GRM5: variants seen among roughly 807,000 people sequenced by gnomAD.
GRM5 encodes the protein glutamate metabotropic receptor 5.
In GRM5, 19 loss-of-function variants were observed where a neutral mutation model predicts 83.1. The ratio of observed to expected loss-of-function variants is 0.23; its 90% CI spans 0.16 to 0.34. The LOEUF (loss-of-function observed/expected upper bound fraction) is 0.34. Among genes scored for constraint, GRM5 ranks in the 10% least tolerant of loss-of-function variants. The probability of loss-of-function intolerance (pLI) is 1.00; values close to 1 mark genes in which losing one functional copy is unlikely to be tolerated. For synonymous variants in GRM5, 675 were observed against 633.6 expected (o/e 1.07, Z -0.98); for missense variants, 1,160 against 1,588.3 (o/e 0.73, Z 4.58).
intron 3 of GRM5, among the ~76,000 whole-genome samples, chr11:88,791,550 A>G (rs879655386): frequency 2.0e-5 from 3 of 152,124 alleles, no homozygotes; most frequent in Non-Finnish European, 4.4e-5. Flanking sequence ...GATGCAATAA[A>G]TGGAAATTTC....
intron 3 of GRM5, among the ~76,000 whole-genome samples, chr11:88,805,278 G>A (rs1335240219): frequency 5.3e-5 from 8 of 152,114 alleles, no homozygotes; most frequent in Middle Eastern, 3.4e-3. Context: ...TGCAACCTCC[G>A]CCTCCCGGAT....
chr11:88,586,107 T>TACACACAC (rs140549003), intron 7 of GRM5, among the ~76,000 whole-genome samples: 24 of 150,572 alleles, frequency 1.6e-4, no homozygotes, highest in African/African-American at 5.6e-4. Context: ...CATACATGTT[T>TACACACAC]ACACACACAC....
intron 3 of GRM5, among the ~76,000 whole-genome samples, chr11:88,802,591 A>C (rs1446519878): frequency 6.6e-6 from 1 of 152,180 alleles, no homozygotes; most frequent in Non-Finnish European, 1.5e-5. Context: ...CTGAATGGGC[A>C]AAAATTGGAA....
In GRM5 at chr11:89,047,498, G is replaced by GCCT. The variant is rs1941666749; in HGVS notation, c.372_374dup (p.Gly125dup). 6.2e-7 allele frequency: 1 copy of GCCT among 1,614,024 alleles called. No homozygotes were observed. The highest frequency in any genetic ancestry group is 8.5e-7 in the Non-Finnish European group (1 of 1,180,022). On this transcript the variant is annotated inframe_insertion, in exon 2 of 10. Coordinates refer to ENST00000305447, the MANE Select transcript of GRM5 (RefSeq NM_001143831.3). The surrounding 1 kb of genome is among the most constrained non-coding windows in gnomAD (Gnocchi z 5.1). ...AGGAGCCATCCACACAGCGTACCAA[G>GCCT]CCTTCTTCCTCTTCTGAAGAAATGA...
At chr11:88,704,111 G>GTCTCTT (rs1218586605) in intron 3 of GRM5, among the ~76,000 whole-genome samples, 1 of 151,936 alleles carries the variant, frequency 6.6e-6, no homozygotes, top group African/African-American at 2.4e-5. Context: ...GAGATGTCTT[G>GTCTCTT]TCTCTTTCTC....
chr11:88,850,276 G>A lies in GRM5; in HGVS notation c.662-121C>T, dbSNP rs546140441. 5.4e-3 allele frequency: 4,330 copies of A among 801,804 alleles called. 36 individuals carry two copies. Among genetic ancestry groups the A allele is most frequent in the Non-Finnish European group, 6.7e-3 (3,347 of 501,138 alleles). The allele number at this position is 801,804 out of a possible 1,614,324, so 49.7% of individuals were successfully genotyped here. ...ATTGGTATGGGACTTGCAACCTGAA[G>A]ACCTGAATTTTGGTTTTTGCTCTTT... On this transcript the variant is annotated intron_variant, in intron 2 of 9. Coordinates refer to ENST00000305447, the MANE Select transcript of GRM5 (RefSeq NM_001143831.3).
At chr11:88,991,196 A>G (rs1939955037) in intron 2 of GRM5, among the ~76,000 whole-genome samples, 1 of 152,138 alleles carries the variant, frequency 6.6e-6, no homozygotes, top group Admixed American at 6.5e-5. Flanking sequence ...TACAAAAATC[A>G]CAAGCATTCT....
intron 1 of GRM5, among the ~76,000 whole-genome samples, chr11:89,059,753 T>G (rs551028416): frequency 6.6e-6 from 1 of 152,194 alleles, no homozygotes; most frequent in African/African-American, 2.4e-5. Flanking sequence ...ATGGGTCAGA[T>G]ACTTTATTTT....
At chr11:88,958,048 C>T (rs1428460173) in intron 2 of GRM5, among the ~76,000 whole-genome samples, 6 of 151,710 alleles carry the variant, frequency 4.0e-5, no homozygotes, top group African/African-American at 1.5e-4. Flanking sequence ...TTTTTCAACA[C>T]CTAAAATTAT....
intron 3 of GRM5, among the ~76,000 whole-genome samples, chr11:88,715,050 G>A (rs1367255328): frequency 2.0e-5 from 3 of 151,920 alleles, no homozygotes; most frequent in Non-Finnish European, 4.4e-5. Context: ...TTTATTGAAC[G>A]ACTGCAAATA....
chr11:88,915,137 A>T (rs542297285), intron 2 of GRM5, among the ~76,000 whole-genome samples: 2 of 150,602 alleles, frequency 1.3e-5, no homozygotes, highest in Admixed American at 6.6e-5. Context: ...TTTGTAGAAT[A>T]AAAAAAAATC....
intron 2 of GRM5, among the ~76,000 whole-genome samples, chr11:88,998,842 G>A (rs1239828954): frequency 6.6e-6 from 1 of 152,066 alleles, no homozygotes; most frequent in East Asian, 1.9e-4. Flanking sequence ...CTAAAAAATG[G>A]TGTATAAATC....
At chr11:88,594,906 T>C (rs1487398627) in intron 6 of GRM5, among the ~76,000 whole-genome samples, 1 of 152,208 alleles carries the variant, frequency 6.6e-6, no homozygotes, top group Admixed American at 6.5e-5. Flanking sequence ...ATAAATTATT[T>C]TGATATCATT....
intron 4 of GRM5, among the ~76,000 whole-genome samples, chr11:88,646,532 A>C (rs1939454747): frequency 6.6e-6 from 1 of 151,994 alleles, no homozygotes; most frequent in Non-Finnish European, 1.5e-5. Flanking sequence ...CACTTTAGAC[A>C]TTGTAAGTGA....
In GRM5 at chr11:88,919,251, TATATATC is replaced by T. The variant is rs1565291790; in HGVS notation, c.662-69103_662-69097del. Among the ~76,000 whole-genome samples, 13 of 88,362 alleles carry T rather than the reference TATATATC, an allele frequency of 1.5e-4. 4 individuals carry two copies. The highest frequency in any genetic ancestry group is 2.9e-4 in the East Asian group (1 of 3,436). The allele number at this position is 88,362 out of a possible 152,430, so 58.0% of individuals were successfully genotyped here. Reference sequence around the variant, plus strand: ...CAGCAGGAGTAGCTATATATATATATATATATCGGATAAAATAGATTTTAAGACAATA... The same window carrying T: ...CAGCAGGAGTAGCTATATATATATATGGATAAAATAGATTTTAAGACAATA... On this transcript the variant is annotated intron_variant, in intron 2 of 9. Transcript: ENST00000305447.
At position 88,845,482 on chromosome 11, in the gene GRM5, G is replaced by T. The variant is rs567670098; in HGVS notation, c.911+4424C>A. ...AGAGTCTCGCTCTGTCGCCCAGGCT[G>T]CAGGACAGTGGCGCAATCTGAGTTC... On this transcript the variant is annotated intron_variant, in intron 3 of 9. Transcript: ENST00000305447. 2.4e-5 allele frequency among the ~76,000 whole-genome samples: 3 copies of T among 126,626 alleles called. No homozygotes were observed. In the South Asian group the frequency reaches 8.4e-4, roughly 35 times the overall value. 83.1% of individuals were successfully genotyped at this position (126,626 alleles called of 152,430 possible).
chr11:88,811,673 T>A (rs972781819), intron 3 of GRM5, among the ~76,000 whole-genome samples: 1 of 152,148 alleles, frequency 6.6e-6, no homozygotes, highest in Middle Eastern at 3.2e-3. Context: ...ACAAACTATA[T>A]GTATGACAAG....
intron 6 of GRM5, among the ~76,000 whole-genome samples, chr11:88,593,790 CTCTTTT>C: frequency 4.9e-5 from 2 of 40,640 alleles, no homozygotes; most frequent in Non-Finnish European, 2.9e-4. Context: ...CTCTCTTTCT[CTCTTTT>C]TCTCTTTCTT....
chr11:88,798,510 G>T (rs950080293), intron 3 of GRM5, among the ~76,000 whole-genome samples: 7 of 152,068 alleles, frequency 4.6e-5, no homozygotes, highest in African/African-American at 1.7e-4. Flanking sequence ...TAAATGAAAA[G>T]CTGGTGAATG....
Sources: allele counts gnomAD v4.1 joint callset (sites outside exome capture counted in the v4.1 genomes callset), GRCh38; gene constraint gnomAD v4.1.1; non-coding constraint Gnocchi (gnomAD v3.1); transcripts MANE v1.5; gene names NCBI Gene and HGNC (gene_info 2026-07-23, HGNC 2026-07-21).